The following TMEM117 variants were observed in gnomAD, a reference collection of about 807,000 sequenced individuals.
TMEM117 encodes transmembrane protein 117.
In TMEM117, 27 loss-of-function variants were observed where a neutral mutation model predicts 52.4. The observed-to-expected ratio is 0.51, with a 90% confidence interval of 0.38 to 0.71. The LOEUF is 0.71. Ranked by LOEUF, TMEM117 falls within the 30% of genes least tolerant of loss-of-function variation. The pLI is 0.00. For synonymous variants in TMEM117, 215 were observed against 206.3 expected (o/e 1.04, Z -0.36); for missense variants, 556 against 630.5 (o/e 0.88, Z 1.26).
At chr12:44,199,971 A>G (rs1308493114) in intron 4 of TMEM117, among the ~76,000 whole-genome samples, 1 of 152,114 alleles carries the variant, frequency 6.6e-6, no homozygotes, top group Non-Finnish European at 1.5e-5. Context: ...TACAAAAATC[A>G]GCGGGGTGTG....
At chr12:43,818,122 A>G in the TMEM117 span, among the ~76,000 whole-genome samples, 14 of 152,294 alleles carry the variant, frequency 9.2e-5, no homozygotes, top group South Asian at 2.7e-3. Flanking sequence ...TGTTATTGAA[A>G]TAAAGGACTT....
intron 2 of TMEM117, among the ~76,000 whole-genome samples, chr12:43,859,679 A>G (rs536845516): frequency 6.6e-6 from 1 of 152,278 alleles, no homozygotes; most frequent in Admixed American, 6.5e-5. Flanking sequence ...GGCTTGATTT[A>G]GAAGTGGTGG....
chr12:44,364,592 G>A (rs749135202), intron 6 of TMEM117, among the ~76,000 whole-genome samples: 3 of 152,022 alleles, frequency 2.0e-5, no homozygotes, highest in Non-Finnish European at 2.9e-5. Flanking sequence ...TATAGGCAAT[G>A]TGTCATCTTC....
At chr12:44,041,374 T>G (rs1946795911) in intron 3 of TMEM117, among the ~76,000 whole-genome samples, 2 of 151,826 alleles carry the variant, frequency 1.3e-5, no homozygotes, top group Admixed American at 6.6e-5. Flanking sequence ...TAAAGCAATT[T>G]TCATCAAATT....
upstream of TMEM117, among the ~76,000 whole-genome samples, chr12:43,833,749 A>T (rs1368408607): frequency 6.6e-6 from 1 of 151,972 alleles, no homozygotes; most frequent in Non-Finnish European, 1.5e-5. Flanking sequence ...TGATTGCACC[A>T]CTGCACGCCA....
At chr12:44,214,354 G>A (rs1949689015) in intron 5 of TMEM117, among the ~76,000 whole-genome samples, 1 of 151,734 alleles carries the variant, frequency 6.6e-6, no homozygotes, top group South Asian at 2.1e-4. Context: ...TTTTAGCAGA[G>A]ACAGGGTTTT....
chr12:44,150,735 A>G (rs1315857508), intron 4 of TMEM117, among the ~76,000 whole-genome samples: 1 of 152,156 alleles, frequency 6.6e-6, no homozygotes, highest in African/African-American at 2.4e-5. Flanking sequence ...CAGCTAAAAA[A>G]TTAATAAGGC....
intron 6 of TMEM117, among the ~76,000 whole-genome samples, chr12:44,307,714 G>A (rs1358883938): frequency 6.6e-6 from 1 of 152,188 alleles, no homozygotes; most frequent in Non-Finnish European, 1.5e-5. Flanking sequence ...CCTGGCAACA[G>A]ACCTCCAAAT....
chr12:44,320,239 T>C, intron 6 of TMEM117, among the ~76,000 whole-genome samples: 1 of 152,224 alleles, frequency 6.6e-6, no homozygotes, highest in Non-Finnish European at 1.5e-5. Context: ...CCATCATGCC[T>C]ATATATTCTT....
chr12:43,970,233 C>T (rs1209438250), intron 3 of TMEM117, among the ~76,000 whole-genome samples: 1 of 152,064 alleles, frequency 6.6e-6, no homozygotes, highest in Admixed American at 6.6e-5. Context: ...CCTCAGTGTG[C>T]AAGAGTAATG....
At chr12:44,356,367 TC>T (rs990417919) in intron 6 of TMEM117, among the ~76,000 whole-genome samples, 2 of 152,116 alleles carry the variant, frequency 1.3e-5, no homozygotes, top group Non-Finnish European at 2.9e-5. Context: ...CTGAATGAGT[TC>T]ATAGTGTCAA....
At chr12:43,826,094 C>T in the TMEM117 span, among the ~76,000 whole-genome samples, 1 of 152,356 alleles carries the variant, frequency 6.6e-6, no homozygotes, top group African/African-American at 2.4e-5. Flanking sequence ...TTGCCCAAGC[C>T]AGAAATCTAC....
chr12:44,213,106 T>C (rs992991291), intron 5 of TMEM117, among the ~76,000 whole-genome samples: 1 of 152,314 alleles, frequency 6.6e-6, no homozygotes, highest in Admixed American at 6.5e-5. Flanking sequence ...GAATAATATA[T>C]AATTTAATGA....
chr12:44,368,954 A>C (rs372971477), intron 6 of TMEM117, among the ~76,000 whole-genome samples: 35 of 152,272 alleles, frequency 2.3e-4, no homozygotes, highest in African/African-American at 7.7e-4. Context: ...AAGATGATCT[A>C]AGATGACTTA....
At chr12:44,203,713 G>A (rs994759470) in intron 4 of TMEM117, among the ~76,000 whole-genome samples, 35 of 152,202 alleles carry the variant, frequency 2.3e-4, no homozygotes, top group African/African-American at 7.2e-5. Flanking sequence ...GTACCCAAAT[G>A]TCATTCAGGA....
chr12:44,205,267 T>C lies in TMEM117; in HGVS notation c.511-6023T>C, dbSNP rs531157629. Among the ~76,000 whole-genome samples the C allele has an allele frequency of 2.0e-5, 3 of 152,276 alleles. No individual in the cohort carries two copies. The East Asian group carries it at 5.8e-4, about 29-fold the overall frequency. ...GGTAGTGAATAAGACTCACGAGACC[T>C]GATGGTTTTATAAATGGGAGTTCCC... On this transcript the variant is annotated intron_variant, in intron 4 of 7. Coordinates refer to ENST00000266534, the MANE Select transcript of TMEM117 (RefSeq NM_032256.3).
intron 6 of TMEM117, among the ~76,000 whole-genome samples, chr12:44,345,847 C>T (rs1171099217): frequency 2.6e-5 from 4 of 152,008 alleles, no homozygotes; most frequent in African/African-American, 9.7e-5. Context: ...ATTAGATTAT[C>T]TTTCAGGGTT....
intron 3 of TMEM117, among the ~76,000 whole-genome samples, chr12:44,132,893 A>T (rs544651226): frequency 2.0e-5 from 3 of 152,194 alleles, no homozygotes; most frequent in Non-Finnish European, 4.4e-5. Flanking sequence ...CACTGGGCAG[A>T]TGTTGAAAAA....
chr12:44,148,487 A>G (rs935288641), intron 4 of TMEM117, among the ~76,000 whole-genome samples: 14 of 152,318 alleles, frequency 9.2e-5, no homozygotes, highest in African/African-American at 3.4e-4. Flanking sequence ...AATATATTTT[A>G]CCTTTCTATT....
Sources: allele counts gnomAD v4.1 joint callset (sites outside exome capture counted in the v4.1 genomes callset), GRCh38; gene constraint gnomAD v4.1.1; transcripts MANE v1.5; gene names NCBI Gene and HGNC (gene_info 2026-07-23, HGNC 2026-07-21).